The following NAALADL2 variants were observed in gnomAD, a reference collection of about 807,000 sequenced individuals.
The protein encoded by NAALADL2 is N-acetylated alpha-linked acidic dipeptidase like 2.
NAALADL2 carries 76 observed loss-of-function variants against 87.2 expected under a neutral mutation model. The observed-to-expected ratio is 0.87, with a 90% CI of 0.72 to 1.05. The LOEUF (loss-of-function observed/expected upper bound fraction) is 1.05, where lower values mean the gene tolerates loss of function less well. Among genes scored for constraint, NAALADL2 ranks in the 50% least tolerant of loss-of-function variants. NAALADL2 has a pLI of 0.00. For missense variants in NAALADL2, 1,089 were observed against 945.8 expected (o/e 1.15, Z -1.99); for synonymous variants, 354 against 331.0 (o/e 1.07, Z -0.75).
At chr3:175,185,231 T>C (rs1180720828) in intron 2 of NAALADL2, among the ~76,000 whole-genome samples, 3 of 152,132 alleles carry the variant, frequency 2.0e-5, no homozygotes, top group Non-Finnish European at 4.4e-5. Flanking sequence ...GGATGACTAC[T>C]TGATCCTATC....
At chr3:174,659,251 G>A (rs965258096) in intron 2 of NAALADL2, among the ~76,000 whole-genome samples, 4 of 151,948 alleles carry the variant, frequency 2.6e-5, no homozygotes, top group Admixed American at 1.3e-4. Context: ...ATGTTCCCTC[G>A]TTTATTTGTA....
chr3:175,538,019 A>G (rs1277798984), intron 9 of NAALADL2, among the ~76,000 whole-genome samples: 3 of 152,322 alleles, frequency 2.0e-5, no homozygotes, highest in Non-Finnish European at 2.9e-5. Flanking sequence ...TGTGATTTTC[A>G]GATACCTACA....
chr3:175,199,873 T>G lies in NAALADL2; in HGVS notation c.546-34058T>G, dbSNP rs1227367960. Among the ~76,000 whole-genome samples, 178 of 32,568 alleles carry G rather than the reference T, an allele frequency of 5.5e-3. 2 individuals are homozygous for G. The highest frequency in any genetic ancestry group is 0.019 in the African/African-American group (173 of 9,312). 21.4% of individuals were successfully genotyped at this position (32,568 alleles called of 152,430 possible). A position where few individuals can be genotyped will look rare whatever the true frequency, so the allele number is the denominator to read the frequency against. On this transcript the variant is annotated intron_variant, in intron 2 of 13. Coordinates refer to ENST00000454872, the MANE Select transcript of NAALADL2 (RefSeq NM_207015.3). The stretch of plus-strand genomic sequence containing the variant: ...ATATATATATATATATATTTTTTTT[T>G]TTTTTTTTTTTTTTTTTTTCCTTAG...
rs191028491 is a variant in NAALADL2, at chr3:175,638,997, C to T, written c.1896+11611C>T. 1.8e-4 allele frequency among the ~76,000 whole-genome samples: 27 copies of T among 152,254 alleles called. No individual in the cohort carries two copies. The East Asian group carries it at 5.2e-3, about 29-fold the overall frequency. On this transcript the variant is annotated intron_variant, in intron 11 of 13. Coordinates refer to ENST00000454872, the MANE Select transcript of NAALADL2 (RefSeq NM_207015.3). ...TCCCTTCTTGTCCATCTTGATATGT[C>T]CCAACATGCCTAACAGTGACTTTCA...
At chr3:174,787,598 T>TATATATATACACAC (rs1716903222) in intron 3 of NAALADL2, among the ~76,000 whole-genome samples, 2 of 60,176 alleles carry the variant, frequency 3.3e-5, no homozygotes, top group African/African-American at 1.2e-4. Flanking sequence ...TATATATATA[T>TATATATATACACAC]ATATATATAT....
At chr3:174,463,523 C>T (rs546600834) in intron 1 of NAALADL2, among the ~76,000 whole-genome samples, 1 of 151,990 alleles carries the variant, frequency 6.6e-6, no homozygotes, top group East Asian at 1.9e-4. Context: ...TGAAGAATAC[C>T]TGATTTGTAG....
chr3:174,698,770 A>G (rs1317014161), intron 2 of NAALADL2, among the ~76,000 whole-genome samples: 1 of 133,566 alleles, frequency 7.5e-6, no homozygotes, highest in Admixed American at 7.7e-5. Flanking sequence ...AGGCTGAGGC[A>G]GGAGAATGGC....
At chr3:174,890,327 G>A (rs952726263) in intron 1 of NAALADL2, among the ~76,000 whole-genome samples, 1 of 152,116 alleles carries the variant, frequency 6.6e-6, no homozygotes, top group African/African-American at 2.4e-5. Context: ...GTTATATACA[G>A]AGAACAGTTC....
Position 175,627,287 on chromosome 3 carries a change from G to A in NAALADL2, c.1801-4G>A, listed in dbSNP as rs777011815. 22 of 1,549,378 alleles carry A rather than the reference G, an allele frequency of 1.4e-5. No individual in the cohort carries two copies. The highest frequency in any genetic ancestry group is 5.9e-5 in the Admixed American group (3 of 50,684). On this transcript the variant is annotated splice_polypyrimidine_tract_variant and splice_region_variant and intron_variant, in intron 10 of 13. Transcript: ENST00000454872. ...TTAAATGTTTCTTTTTTGATTTGCC[G>A]CAGGGTCCAAGTTTTCTCTCCGAGG...
chr3:175,640,337 C>T (rs1298937971), intron 11 of NAALADL2, among the ~76,000 whole-genome samples: 1 of 152,050 alleles, frequency 6.6e-6, no homozygotes, highest in Admixed American at 6.5e-5. Context: ...TATCAGCAAC[C>T]TTAATTGTGA....
chr3:175,561,855 CT>C (rs1334366749), intron 9 of NAALADL2, among the ~76,000 whole-genome samples: 1 of 152,144 alleles, frequency 6.6e-6, no homozygotes, highest in Non-Finnish European at 1.5e-5. Context: ...CACAGGGTAT[CT>C]TTTTTGTGTG....
intron 5 of NAALADL2, among the ~76,000 whole-genome samples, chr3:175,366,586 G>C (rs1439510734): frequency 1.3e-5 from 2 of 151,820 alleles, no homozygotes; most frequent in East Asian, 1.9e-4. Context: ...TTGTGGTTTT[G>C]ATTTGCATTT....
chr3:175,259,590 G>A (rs1337272283), intron 4 of NAALADL2, among the ~76,000 whole-genome samples: 1 of 152,176 alleles, frequency 6.6e-6, no homozygotes, highest in East Asian at 1.9e-4. Flanking sequence ...AAAAATGTGT[G>A]TGGTAGGGGC....
intron 6 of NAALADL2, among the ~76,000 whole-genome samples, chr3:175,449,829 A>G (rs1273988856): frequency 6.6e-6 from 1 of 152,250 alleles, no homozygotes; most frequent in Non-Finnish European, 1.5e-5. Context: ...TTAAAGCAAG[A>G]AAGATAGGCC....
intron 10 of NAALADL2, among the ~76,000 whole-genome samples, chr3:175,581,698 T>G (rs1719806940): frequency 6.6e-6 from 1 of 152,180 alleles, no homozygotes; most frequent in African/African-American, 2.4e-5. Flanking sequence ...CACTTGTGAA[T>G]GTAGAGTGAA....
chr3:175,360,017 T>C (rs1468626181), intron 5 of NAALADL2, among the ~76,000 whole-genome samples: 2 of 152,146 alleles, frequency 1.3e-5, no homozygotes, highest in Non-Finnish European at 2.9e-5. Context: ...GAATGTTAAA[T>C]TGATGTCTTC....
chr3:174,764,341 C>T (rs745544434), intron 3 of NAALADL2, among the ~76,000 whole-genome samples: 3 of 152,116 alleles, frequency 2.0e-5, no homozygotes, highest in Non-Finnish European at 4.4e-5. Flanking sequence ...GCAAAAGGTG[C>T]CGGGTGCAGT....
chr3:174,827,332 T>G (rs556182670), intron 3 of NAALADL2, among the ~76,000 whole-genome samples: 2 of 152,282 alleles, frequency 1.3e-5, no homozygotes, highest in South Asian at 4.1e-4. Flanking sequence ...TGGGTCTCAG[T>G]GCGTTAAGGT....
chr3:175,588,760 G>C lies in NAALADL2; in HGVS notation c.1800+12573G>C, dbSNP rs140913702. ...TCACCGTGTTAGCCAGGATGGTCTC[G>C]ATCTCCTGACCTCGTGATCCGCCCG... is the stretch of plus-strand genomic sequence containing the variant. On this transcript the variant is annotated intron_variant, in intron 10 of 13. Coordinates refer to ENST00000454872, the MANE Select transcript of NAALADL2 (RefSeq NM_207015.3). Among the ~76,000 whole-genome samples, 234 of 152,018 alleles carry C rather than the reference G, an allele frequency of 1.5e-3. 1 individual carries two copies. Among genetic ancestry groups the C allele is most frequent in the African/African-American group, 4.9e-3 (205 of 41,492 alleles).
Sources: gnomAD v4.1 joint callset for allele counts (sites outside exome capture counted in the v4.1 genomes callset) on GRCh38, gnomAD v4.1.1 for gene constraint, MANE v1.5 for transcripts, NCBI Gene and HGNC (gene_info 2026-07-23, HGNC 2026-07-21) for gene names.